The following OSCP1 variants were observed in gnomAD, a reference collection of about 807,000 sequenced individuals.
OSCP1 encodes organic solute carrier partner 1, also known as protein OSCP1.
Under a neutral mutation model 45.1 loss-of-function variants are expected in OSCP1, and 35 were observed. The ratio of observed to expected loss-of-function variants is 0.78; its 90% CI spans 0.59 to 1.03. The LOEUF (loss-of-function observed/expected upper bound fraction) is 1.03. OSCP1 is among the 50% of genes least tolerant of loss of function. The pLI, the probability that OSCP1 is intolerant of heterozygous loss-of-function variation, is 0.00. For synonymous variants in OSCP1, 179 were observed against 180.1 expected (o/e 0.99, Z 0.05); for missense variants, 400 against 470.7 (o/e 0.85, Z 1.39).
chr1:36,432,844 T>A (rs1426704764), intron 2 of OSCP1, among the ~76,000 whole-genome samples: 3 of 152,194 alleles, frequency 2.0e-5, no homozygotes, highest in Non-Finnish European at 4.4e-5. Context: ...TCACCTGATG[T>A]GTATTGTTAA....
At chr1:36,431,745 G>A (rs781541936) in intron 4 of OSCP1, 57 bp downstream of exon 4, 88 of 1,551,910 alleles carry the variant, frequency 5.7e-5, no homozygotes, top group East Asian at 9.0e-5. Context: ...TGACTACCAG[G>A]GTTGTTTCCC....
intron 6 of OSCP1, 108 bp from the exon 7 acceptor site, chr1:36,422,327 C>G (rs1443833028): frequency 2.0e-6 from 2 of 1,017,808 alleles, no homozygotes; most frequent in Non-Finnish European, 3.1e-6. Flanking sequence ...TAAATAGCAT[C>G]CAGAAAGGTG....
rs1386076656 is a variant in OSCP1 at position 36,450,323 on chromosome 1, TC to T, written c.46del (p.Glu16ArgfsTer24). On this transcript the variant is annotated frameshift_variant, in exon 1 of 10. Transcript: ENST00000235532. LOFTEE classifies it high-confidence loss of function. Reference protein sequence around the residue: ...LPLLFLNLGGEMLYILDQRLR... With the variant: ...LPLLFLNLGGXMLYILDQRLR... Reference sequence around the variant, plus strand: ...CCGTTGGTCGAGGATGTAAAGCATCTCCCCGCCCAAGTTCAAGAAGAGCAGC... The same window carrying T: ...CCGTTGGTCGAGGATGTAAAGCATCTCCCGCCCAAGTTCAAGAAGAGCAGC... 3 of 1,613,724 alleles carry T rather than the reference TC, an allele frequency of 1.9e-6. No homozygotes were observed. Among genetic ancestry groups the T allele is most frequent in the Admixed American group, 3.3e-5 (2 of 59,982 alleles).
rs749688697 is a variant in OSCP1, at chr1:36,418,233, A to T, written c.1046T>A (p.Leu349Gln). ...ATQDQQRSEE[L>Q]ARIMGEFEIT... Reference sequence around the variant, plus strand: ...CTCAAACTCCCCCATGATTCGAGCCAGCTCCTCGCTCCGTTGCTGGTCCTA... The same window carrying T: ...CTCAAACTCCCCCATGATTCGAGCCTGCTCCTCGCTCCGTTGCTGGTCCTA... Residue 349 changes from leucine (L) to glutamine (Q), a missense_variant, in exon 10 of 10, where the codon CTG becomes CAG. Physicochemically the swap from Leu to Gln is moderately radical, Grantham distance 113. Coordinates refer to ENST00000235532, the MANE Select transcript of OSCP1 (RefSeq NM_145047.5). 9.4e-5 allele frequency: 151 copies of T among 1,614,192 alleles called. No homozygotes were observed. The highest frequency in any genetic ancestry group is 1.3e-4 in the Non-Finnish European group (149 of 1,180,026).
intron 2 of OSCP1, among the ~76,000 whole-genome samples, chr1:36,436,264 G>A (rs1209247684): frequency 1.3e-5 from 2 of 150,260 alleles, no homozygotes; most frequent in East Asian, 2.1e-4. Context: ...CCACCACACC[G>A]GGCTAATTTT....
At chr1:36,450,104 G>A (rs1649805871) in intron 1 of OSCP1, among the ~76,000 whole-genome samples, 154 bp downstream of exon 1, 1 of 151,798 alleles carries the variant, frequency 6.6e-6, no homozygotes, top group Non-Finnish European at 1.5e-5. Context: ...TTTGACTCCC[G>A]AGGGGCTCCA....
rs983757190 is a variant in OSCP1, at chr1:36,419,186, C to T, written c.960-132G>A. ...GCCATTTCTCTTAAACTTTCTACCC[C>T]ATCTCCCACCAATGTACCCTACGAC... On this transcript the variant is annotated intron_variant, in intron 8 of 9. Transcript: ENST00000235532. 3 of 777,110 alleles carry T rather than the reference C, an allele frequency of 3.9e-6. No homozygotes were observed. The African/African-American group carries it at 5.1e-5, about 13-fold the overall frequency. The allele number at this position is 777,110 out of a possible 1,614,324, so 48.1% of individuals were successfully genotyped here. A position where few individuals can be genotyped will look rare whatever the true frequency, so the allele number is the denominator to read the frequency against.
At chr1:36,421,541 C>A (rs559226685) in intron 7 of OSCP1, among the ~76,000 whole-genome samples, 40 of 152,352 alleles carry the variant, frequency 2.6e-4, no homozygotes, top group African/African-American at 9.4e-4. Flanking sequence ...CTTCCTCCAC[C>A]TCATTTGAGT....
intron 1 of OSCP1, among the ~76,000 whole-genome samples, chr1:36,445,819 A>G (rs1649488062): frequency 6.6e-6 from 1 of 151,900 alleles, no homozygotes; most frequent in African/African-American, 2.4e-5. Context: ...GGTTCAAGCG[A>G]TTCTCCCGCC....
intron 1 of OSCP1, 54 bp from the exon 2 acceptor site, chr1:36,438,964 C>G: frequency 6.4e-7 from 1 of 1,574,156 alleles, no homozygotes. Flanking sequence ...AAGCCTATCC[C>G]GAAATGCTCT....
At chr1:36,437,445 A>G (rs1053584204) in intron 2 of OSCP1, among the ~76,000 whole-genome samples, 1 of 152,218 alleles carries the variant, frequency 6.6e-6, no homozygotes, top group Non-Finnish European at 1.5e-5. Flanking sequence ...TCTACATTGC[A>G]GAGCTGAGAT....
At chr1:36,444,790 T>A (rs1483457916) in intron 1 of OSCP1, among the ~76,000 whole-genome samples, 2 of 152,170 alleles carry the variant, frequency 1.3e-5, no homozygotes, top group Non-Finnish European at 2.9e-5. Flanking sequence ...CTATATAAAC[T>A]TCAAGCAACT....
chr1:36,440,224 G>C (rs1210085157), intron 1 of OSCP1, among the ~76,000 whole-genome samples: 1 of 152,162 alleles, frequency 6.6e-6, no homozygotes, highest in Non-Finnish European at 1.5e-5. Context: ...GATTATTTTA[G>C]GCACTCTCAA....
At chr1:36,444,026 C>T (rs1649357260) in intron 1 of OSCP1, 2 of 1,613,544 alleles carry the variant, frequency 1.2e-6, no homozygotes, top group African/African-American at 2.7e-5. Flanking sequence ...CCACCTCTGT[C>T]CATTCATCTA....
At chr1:36,435,931 C>T (rs745924996) in intron 2 of OSCP1, among the ~76,000 whole-genome samples, 2 of 151,694 alleles carry the variant, frequency 1.3e-5, no homozygotes, top group East Asian at 1.9e-4. Flanking sequence ...CGCGCCTGGC[C>T]GAGTTAAAGT....
chr1:36,428,839 G>C (rs1648153884), intron 4 of OSCP1, among the ~76,000 whole-genome samples: 1 of 152,068 alleles, frequency 6.6e-6, no homozygotes, highest in East Asian at 1.9e-4. Flanking sequence ...CAGCTGTTTG[G>C]GAGGCTGAGG....
At position 36,444,503 on chromosome 1, in the gene OSCP1, C is replaced by T. The variant is rs1649386983; in HGVS notation, c.113-5593G>A. 2.6e-5 allele frequency among the ~76,000 whole-genome samples: 4 copies of T among 151,732 alleles called. No individual in the cohort carries two copies. In the South Asian group the frequency reaches 6.2e-4, roughly 24 times the overall value. On this transcript the variant is annotated intron_variant, in intron 1 of 9. Coordinates refer to ENST00000235532, the MANE Select transcript of OSCP1 (RefSeq NM_145047.5). ...TTTTATTAATGTAAGATTTCCCTTT[C>T]TAGAGGACAGATGGAACTGCTCAAA...
Position 36,450,250 on chromosome 1 carries a change from C to A in OSCP1, c.112+8G>T, listed in dbSNP as rs781753637. 2.5e-6 allele frequency: 4 copies of A among 1,609,730 alleles called. No individual in the cohort carries two copies. The highest frequency in any genetic ancestry group is 2.5e-6 in the Non-Finnish European group (3 of 1,177,126). ...CGGGTCTGGCTGAGCGGGCCGGGGG[C>A]CTCTCACCTTTGCGGGCCTTGTCTC... On this transcript the variant is annotated splice_region_variant and intron_variant, in intron 1 of 9. Transcript: ENST00000235532.
At chr1:36,424,321 A>C (rs1647837207) in intron 4 of OSCP1, among the ~76,000 whole-genome samples, 1 of 152,176 alleles carries the variant, frequency 6.6e-6, no homozygotes, top group South Asian at 2.1e-4. Flanking sequence ...GAGAAAGCTA[A>C]AGTAGAGAGT....
Sources: gnomAD v4.1 joint callset for allele counts (sites outside exome capture counted in the v4.1 genomes callset) on GRCh38, gnomAD v4.1.1 for gene constraint, MANE v1.5 for transcripts, NCBI Gene and HGNC (gene_info 2026-07-23, HGNC 2026-07-21) for gene names.